Variants in RSU1 observed in about 807,000 individuals in gnomAD.
RSU1 encodes the protein Ras suppressor protein 1.
A neutral mutation model predicts 31.1 loss-of-function variants in RSU1; 26 were observed. The ratio of observed to expected loss-of-function variants is 0.84; its 90% CI spans 0.61 to 1.16. The LOEUF is 1.16. Ranked by LOEUF, RSU1 falls within the 50% of genes most tolerant of loss-of-function variation. RSU1 has a pLI of 0.00. For missense variants in RSU1, 320 were observed against 339.1 expected (o/e 0.94, Z 0.44); for synonymous variants, 164 against 136.3 (o/e 1.20, Z -1.41).
chr10:16,778,018 C>CTTTTTTTTTT (rs10685188), intron 3 of RSU1, among the ~76,000 whole-genome samples: 1 of 117,674 alleles, frequency 8.5e-6, no homozygotes, highest in African/African-American at 3.5e-5. Context: ...GGTCATATAC[C>CTTTTTTTTTT]TTTTTTTTTT....
intron 8 of RSU1, among the ~76,000 whole-genome samples, chr10:16,645,635 T>C (rs1001459922): frequency 1.3e-5 from 2 of 151,214 alleles, no homozygotes; most frequent in Admixed American, 1.3e-4. Context: ...TGGCAAAACC[T>C]CATCTCTACT....
intron 7 of RSU1, among the ~76,000 whole-genome samples, chr10:16,745,052 G>C (rs1044708049): frequency 6.6e-6 from 1 of 152,168 alleles, no homozygotes; most frequent in Non-Finnish European, 1.5e-5. Flanking sequence ...CTAGGCACTC[G>C]GTAACTAACT....
At chr10:16,776,924 T>A (rs58553585) in intron 3 of RSU1, among the ~76,000 whole-genome samples, 26,116 of 151,838 alleles carry the variant, frequency 0.17, 2,259 homozygotes, top group Middle Eastern at 0.23. Flanking sequence ...TATTTTTTTT[T>A]AATTTTTTTT....
Position 16,770,260 on chromosome 10 carries a change from GA to G in RSU1, c.161-5751del, listed in dbSNP as rs549084414. Among the ~76,000 whole-genome samples the G allele has an allele frequency of 1.4e-3, 216 of 152,198 alleles. 3 individuals are homozygous for G. The South Asian group carries it at 0.022, about 16-fold the overall frequency. On this transcript the variant is annotated intron_variant, in intron 3 of 8. Coordinates refer to ENST00000345264, the MANE Select transcript of RSU1 (RefSeq NM_012425.4). ...GCAGGCACCACGCAAAAAACATAAG[GA>G]CAGGAGCTCTGCCTGGGTGCAGCCC...
chr10:16,605,653 G>T (rs1310473304), intron 8 of RSU1, among the ~76,000 whole-genome samples: 1 of 152,170 alleles, frequency 6.6e-6, no homozygotes, highest in Non-Finnish European at 1.5e-5. Context: ...ACTACCATCA[G>T]CTTCCCACCT....
At chr10:16,699,466 G>A (rs1465609756) in intron 7 of RSU1, among the ~76,000 whole-genome samples, 2 of 152,180 alleles carry the variant, frequency 1.3e-5, no homozygotes, top group Non-Finnish European at 2.9e-5. Context: ...GGCAGAGCTC[G>A]TCTGTCAGCT....
At chr10:16,700,875 G>C (rs891346734) in intron 7 of RSU1, among the ~76,000 whole-genome samples, 1 of 152,168 alleles carries the variant, frequency 6.6e-6, no homozygotes, top group Non-Finnish European at 1.5e-5. Flanking sequence ...CTGACCTGGA[G>C]GGAGGTCTGT....
intron 2 of RSU1, among the ~76,000 whole-genome samples, chr10:16,785,029 T>C (rs990496852): frequency 3.3e-5 from 5 of 152,144 alleles, no homozygotes; most frequent in Non-Finnish European, 5.9e-5. Flanking sequence ...GAGTGTCAAC[T>C]TGATTGGATT....
At chr10:16,683,160 GGTGTGTGT>G (rs4012467) in intron 8 of RSU1, among the ~76,000 whole-genome samples, 4 of 143,352 alleles carry the variant, frequency 2.8e-5, no homozygotes, top group African/African-American at 1.0e-4. Context: ...ATGGGTGTGT[GGTGTGTGT>G]GTGTGTGTGT....
intron 7 of RSU1, among the ~76,000 whole-genome samples, chr10:16,696,829 C>G (rs75829530): frequency 0.014 from 1,969 of 139,280 alleles, 50 homozygotes; most frequent in African/African-American, 0.046. Context: ...TGGCAAGGGG[C>G]TGCCATTGAT....
intron 2 of RSU1, among the ~76,000 whole-genome samples, chr10:16,809,199 T>C (rs1172564223): frequency 6.6e-6 from 1 of 152,194 alleles, no homozygotes; most frequent in Non-Finnish European, 1.5e-5. Flanking sequence ...ATCTGCTCAA[T>C]GGGGACACTG....
At chr10:16,817,123 C>CA (rs756858872) in intron 1 of RSU1, 39 bp from the exon 2 acceptor site, 23 of 1,450,824 alleles carry the variant, frequency 1.6e-5, no homozygotes, top group Non-Finnish European at 2.2e-5. Flanking sequence ...GCGATGACAG[C>CA]AAGCGCAGAG....
At chr10:16,741,041 C>T (rs550803720) in intron 7 of RSU1, among the ~76,000 whole-genome samples, 15 of 152,182 alleles carry the variant, frequency 9.9e-5, no homozygotes, top group Non-Finnish European at 1.6e-4. Context: ...TTGAAACTAA[C>T]ATGCCCCAAT....
At chr10:16,607,177 CTCTTTCGT>C (rs1338656762) in intron 8 of RSU1, among the ~76,000 whole-genome samples, 1 of 152,204 alleles carries the variant, frequency 6.6e-6, no homozygotes, top group Non-Finnish European at 1.5e-5. Context: ...CGCCCTTGTG[CTCTTTCGT>C]TCTGGCTCTG....
intron 4 of RSU1, among the ~76,000 whole-genome samples, chr10:16,763,207 G>A (rs1588519446): frequency 6.6e-6 from 1 of 152,148 alleles, no homozygotes; most frequent in East Asian, 1.9e-4. Context: ...TCCGGTTGGG[G>A]TCTATGGATC....
chr10:16,691,111 G>A (rs1161925321), intron 8 of RSU1, among the ~76,000 whole-genome samples: 1 of 152,124 alleles, frequency 6.6e-6, no homozygotes, highest in Non-Finnish European at 1.5e-5. Context: ...TGAGTATCAT[G>A]AATAAACTGC....
chr10:16,773,394 C>A (rs1440862156), intron 3 of RSU1, among the ~76,000 whole-genome samples: 1 of 152,022 alleles, frequency 6.6e-6, no homozygotes, highest in African/African-American at 2.4e-5. Flanking sequence ...TCATTCCCTT[C>A]GAAATAACCC....
At chr10:16,788,372 G>C (rs1374004798) in intron 2 of RSU1, among the ~76,000 whole-genome samples, 1 of 152,166 alleles carries the variant, frequency 6.6e-6, no homozygotes, top group East Asian at 1.9e-4. Flanking sequence ...ATGGTATTGG[G>C]AGGCGGGGCC....
At chr10:16,686,748 C>T (rs972475990) in intron 8 of RSU1, among the ~76,000 whole-genome samples, 2 of 152,106 alleles carry the variant, frequency 1.3e-5, no homozygotes, top group African/African-American at 4.8e-5. Flanking sequence ...GAGAGACACA[C>T]ACAGAGAGAG....
Sources: gnomAD v4.1 joint callset for allele counts (sites outside exome capture counted in the v4.1 genomes callset) on GRCh38, gnomAD v4.1.1 for gene constraint, MANE v1.5 for transcripts, NCBI Gene and HGNC (gene_info 2026-07-23, HGNC 2026-07-21) for gene names.